The following DLGAP4 variants were observed in gnomAD, a reference collection of about 807,000 sequenced individuals.
DLGAP4 encodes disks large-associated protein 4.
Under a neutral mutation model 86.9 loss-of-function variants are expected in DLGAP4, and 18 were observed. That is an observed-to-expected ratio of 0.21 (90% confidence interval 0.14 to 0.31). The LOEUF (loss-of-function observed/expected upper bound fraction) is 0.31, where lower values mean the gene tolerates loss of function less well. Among genes scored for constraint, DLGAP4 ranks in the 10% least tolerant of loss-of-function variants. The pLI is 1.00. For missense variants in DLGAP4, 1,085 were observed against 1,362.6 expected (o/e 0.80, Z 3.21); for synonymous variants, 548 against 574.3 (o/e 0.95, Z 0.65).
At chr20:36,476,489 G>A (rs922479312) in intron 7 of DLGAP4, among the ~76,000 whole-genome samples, 3 of 149,074 alleles carry the variant, frequency 2.0e-5, no homozygotes, top group Non-Finnish European at 3.0e-5. Flanking sequence ...CACCATGCCC[G>A]GCTAATTTTT....
chr20:36,492,035 C>T (rs1164288748), intron 7 of DLGAP4, among the ~76,000 whole-genome samples: 2 of 152,128 alleles, frequency 1.3e-5, no homozygotes, highest in Non-Finnish European at 2.9e-5. Context: ...GGGAGGCTCT[C>T]AGAGGAAGAA....
intron 1 of DLGAP4, among the ~76,000 whole-genome samples, chr20:36,353,735 G>A (rs980805722): frequency 3.3e-5 from 5 of 152,204 alleles, no homozygotes; most frequent in Non-Finnish European, 7.3e-5. Flanking sequence ...GGGGACCAGC[G>A]GAGGAAGAGG....
chr20:36,409,752 G>C (rs559946511), intron 2 of DLGAP4, among the ~76,000 whole-genome samples: 2 of 150,408 alleles, frequency 1.3e-5, no homozygotes, highest in South Asian at 4.2e-4. Flanking sequence ...CCCTCCTCCT[G>C]GCCGGGCGCA....
intron 2 of DLGAP4, among the ~76,000 whole-genome samples, chr20:36,381,811 A>G (rs1004583117): frequency 1.1e-4 from 16 of 151,880 alleles, no homozygotes; most frequent in Admixed American, 7.2e-4. Flanking sequence ...TCTCCTCTGT[A>G]TGTGTAGGAG....
chr20:36,501,875 T>C (rs1330661972), intron 10 of DLGAP4, among the ~76,000 whole-genome samples: 2 of 152,134 alleles, frequency 1.3e-5, no homozygotes, highest in East Asian at 1.9e-4. Flanking sequence ...CTAGTAACTT[T>C]TTACAATAAT....
At chr20:36,462,094 G>A (rs1277005247) in intron 7 of DLGAP4, 4 of 994,642 alleles carry the variant, frequency 4.0e-6, no homozygotes, top group East Asian at 1.1e-4. Flanking sequence ...AAGTCGCTGG[G>A]GTCTCGCCTC....
At chr20:36,461,581 C>A (rs1237128334) in intron 7 of DLGAP4, 23 of 962,550 alleles carry the variant, frequency 2.4e-5, no homozygotes, top group Non-Finnish European at 2.8e-5. Flanking sequence ...TCGTCGCTGC[C>A]GCCTCCTCAG....
chr20:36,382,819 C>T (rs1313089922), intron 2 of DLGAP4, among the ~76,000 whole-genome samples: 1 of 151,964 alleles, frequency 6.6e-6, no homozygotes, highest in Non-Finnish European at 1.5e-5. Context: ...CGTGAGCCAC[C>T]ATGCCTGGCT....
At chr20:36,519,957 G>T (rs74394202) in intron 10 of DLGAP4, among the ~76,000 whole-genome samples, 2,789 of 138,372 alleles carry the variant, frequency 0.02, 83 homozygotes, top group African/African-American at 0.075. Flanking sequence ...TGCCCAGTTT[G>T]TTTTTTTTTT....
At chr20:36,313,723 CG>C (rs2065072705) in intron 1 of DLGAP4, among the ~76,000 whole-genome samples, 1 of 130 alleles carries the variant, frequency 7.7e-3, no homozygotes, top group Non-Finnish European at 0.015. Context: ...TGTGGTCATC[CG>C]TTTTAACATC....
chr20:36,474,323 G>A (rs544727322), intron 7 of DLGAP4, among the ~76,000 whole-genome samples: 3 of 152,158 alleles, frequency 2.0e-5, no homozygotes, highest in African/African-American at 4.8e-5. Context: ...AATGCTCTGC[G>A]TGAGGGAAGG....
At chr20:36,497,268 G>A (rs117164452) in intron 8 of DLGAP4, 1 of 985,340 alleles carries the variant, frequency 1.0e-6, no homozygotes, top group Admixed American at 6.1e-5. Context: ...CTGCTGGTCA[G>A]CAGCTGTGGG....
At chr20:36,319,537 G>A (rs1323126498) in intron 1 of DLGAP4, among the ~76,000 whole-genome samples, 55 of 152,178 alleles carry the variant, frequency 3.6e-4, no homozygotes, top group Admixed American at 3.6e-3. Flanking sequence ...CTCACAGAAG[G>A]GCCAGCCTGG....
chr20:36,485,615 T>C (rs959882337), intron 7 of DLGAP4, among the ~76,000 whole-genome samples: 9 of 152,056 alleles, frequency 5.9e-5, no homozygotes, highest in Admixed American at 2.0e-4. Flanking sequence ...CAGCATTGAT[T>C]TTAGATCCTG....
chr20:36,490,288 A>G (rs947961438), intron 7 of DLGAP4, among the ~76,000 whole-genome samples: 3 of 152,182 alleles, frequency 2.0e-5, no homozygotes, highest in African/African-American at 7.2e-5. Context: ...ATCCTGACCT[A>G]GCTGCTTGGA....
Position 36,436,276 on chromosome 20 carries a change from C to T in DLGAP4, c.1167C>T (p.Pro389=), listed in dbSNP as rs2033272961. ...DESGGSPKPS[P]KTAARRQSYL... is the part of the protein sequence containing the mutation. ...CCGGCGGCAGCCCCAAGCCCTCACCCAAGACCGCGGCGCGGCGCCAGAGCT... is the reference window on the plus strand; with the variant it reads ...CCGGCGGCAGCCCCAAGCCCTCACCTAAGACCGCGGCGCGGCGCCAGAGCT... The change falls in exon 4 of 13, where the codon CCC becomes CCT. Residue 389 remains proline (P), a synonymous_variant. Coordinates refer to ENST00000339266, the MANE Select transcript of DLGAP4 (RefSeq NM_001365621.2). 1 of 1,605,298 alleles carries T rather than the reference C, an allele frequency of 6.2e-7. No homozygotes were observed. Among genetic ancestry groups the T allele is most frequent in the African/African-American group, 1.3e-5 (1 of 74,924 alleles).
Position 36,432,435 on chromosome 20 carries a change from C to T in DLGAP4, c.718C>T (p.Arg240Cys), listed in dbSNP as rs1415762307. The change falls in exon 3 of 13, where the codon CGC becomes TGC. Residue 240 changes from arginine (R) to cysteine (C), a missense_variant. By Grantham distance (180) the Arg-to-Cys change is radical. Transcript: ENST00000339266. This position sits in a 1 kb window ranked among gnomAD's most constrained non-coding sequence, Gnocchi z 6.5. ...LGRQAERSQP[R>C]YFMHAYNTIS... ...CCGCCAGGCAGAACGCAGCCAGCCA[C>T]GCTACTTCATGCACGCCTACAACAC... 23 of 1,613,734 alleles carry T rather than the reference C, an allele frequency of 1.4e-5. No homozygotes were observed. The highest frequency in any genetic ancestry group is 6.7e-5 in the Admixed American group (4 of 60,012).
In DLGAP4 at chr20:36,527,010, G is replaced by C; in HGVS notation, c.2958G>C (p.Pro986=). The change falls in exon 13 of 13, where the codon CCG becomes CCC. Residue 986 remains proline, a synonymous_variant. Coordinates refer to ENST00000339266, the MANE Select transcript of DLGAP4 (RefSeq NM_001365621.2). ...CAGACAGCATCGAGATTTATGTCCC[G>C]GAGGCCCAGACCAGGCTCTGAGACC... ...ESADSIEIYV[P]EAQTRL is the part of the protein sequence containing the mutation. 1 of 1,607,138 alleles carries C rather than the reference G, an allele frequency of 6.2e-7. No homozygotes were observed. Among genetic ancestry groups the C allele is most frequent in the East Asian group, 2.2e-5 (1 of 44,692 alleles).
chr20:36,368,211 C>G (rs557237323), intron 2 of DLGAP4, among the ~76,000 whole-genome samples: 1 of 152,208 alleles, frequency 6.6e-6, no homozygotes, highest in Non-Finnish European at 1.5e-5. Flanking sequence ...AGGACCTGAG[C>G]GCCTCCTGGC....
Sources: gnomAD v4.1 joint callset for allele counts (sites outside exome capture counted in the v4.1 genomes callset) on GRCh38, gnomAD v4.1.1 for gene constraint, Gnocchi (gnomAD v3.1) non-coding constraint, MANE v1.5 for transcripts, NCBI Gene and HGNC (gene_info 2026-07-23, HGNC 2026-07-21) for gene names.